SELPLG: variants seen among roughly 807,000 people sequenced by gnomAD.
SELPLG encodes selectin P ligand, also known as P-selectin glycoprotein ligand 1.
A neutral mutation model predicts 1.1 loss-of-function variants in SELPLG; 2 were observed. The observed-to-expected ratio is 1.82, with a 90% CI of 0.74 to 5.71. SELPLG has a LOEUF of 5.71. Ranked by LOEUF, SELPLG falls within the 30% of genes most tolerant of loss-of-function variation. The pLI is 0.05. For synonymous variants in SELPLG, 230 were observed against 221.2 expected (o/e 1.04, Z -0.35); for missense variants, 478 against 524.7 (o/e 0.91, Z 0.87).
chr12:108,632,557 C>T (rs978109808), intron 1 of SELPLG, among the ~76,000 whole-genome samples: 2 of 151,916 alleles, frequency 1.3e-5, no homozygotes, highest in South Asian at 2.1e-4. Context: ...CTCTGCCACC[C>T]GGGTTGGAGT....
At chr12:108,631,434 A>T (rs1294550632) in intron 1 of SELPLG, among the ~76,000 whole-genome samples, 1 of 152,064 alleles carries the variant, frequency 6.6e-6, no homozygotes, top group Admixed American at 6.6e-5. Context: ...TTTTTTGTAG[A>T]GATGGGTTTT....
At chr12:108,629,039 C>T (rs1592821443) in intron 1 of SELPLG, among the ~76,000 whole-genome samples, 1 of 152,176 alleles carries the variant, frequency 6.6e-6, no homozygotes, top group African/African-American at 2.4e-5. Flanking sequence ...CTCTCTTCGG[C>T]GCTGCAGGCA....
In SELPLG at chr12:108,623,156, C is replaced by G. The variant is rs1243781869; in HGVS notation, c.1152G>C (p.Leu384=). The G allele has an allele frequency of 4.3e-6, 7 of 1,611,916 alleles. No homozygotes were observed. Among genetic ancestry groups the G allele is most frequent in the Admixed American group, 1.7e-5 (1 of 59,716 alleles). The change falls in exon 2 of 2, where the codon CTG becomes CTC. Residue 384 remains leucine (L), a synonymous_variant. Transcript: ENST00000550948. ...EGPSATANGG[L]SKAKSPGLTP... ...TCAGGCCCGGGCTCTTGGCCTTGGA[C>G]AGGCCCCCATTGGCTGTGGCAGAGG...
intron 1 of SELPLG, among the ~76,000 whole-genome samples, chr12:108,630,793 C>G (rs773201792): frequency 2.0e-5 from 3 of 152,228 alleles, no homozygotes; most frequent in Non-Finnish European, 4.4e-5. Flanking sequence ...TTAGTCACCT[C>G]CCGTGTTTAA....
rs887177924 is a variant in SELPLG at position 108,633,868 on chromosome 12, T to C, written c.-134A>G. 1.3e-5 allele frequency: 2 copies of C among 152,334 alleles called. No individual in the cohort carries two copies. The highest frequency in any genetic ancestry group is 4.8e-5 in the African/African-American group (2 of 41,420). 9.4% of individuals were successfully genotyped at this position (152,334 alleles called of 1,614,324 possible). ...TGGCACCCCCTGCGGCAGTCCCGGA[T>C]CCGAGCAACCCCCAATGGCTGTGTG... On this transcript the variant is annotated 5_prime_UTR_variant, in exon 1 of 2. Transcript: ENST00000550948.
Position 108,622,698 on chromosome 12 carries a change from A to C in SELPLG, c.*371T>G. 1 of 223,098 alleles carries C rather than the reference A, an allele frequency of 4.5e-6. No homozygotes were observed. Among genetic ancestry groups the C allele is most frequent in the East Asian group, 9.6e-5 (1 of 10,438 alleles). 13.8% of individuals were successfully genotyped at this position (223,098 alleles called of 1,614,324 possible). A position where few individuals can be genotyped will look rare whatever the true frequency, so the allele number is the denominator to read the frequency against. On this transcript the variant is annotated 3_prime_UTR_variant, in exon 2 of 2. Coordinates refer to ENST00000550948, the MANE Select transcript of SELPLG (RefSeq NM_003006.4). ...GGGGAGCTCCATCTTCCTTGGGTACATGGGGAGGAGACTCCAGTGACCAGG... is the reference window on the plus strand; with the variant it reads ...GGGGAGCTCCATCTTCCTTGGGTACCTGGGGAGGAGACTCCAGTGACCAGG...
At chr12:108,629,052 T>C (rs755002106) in intron 1 of SELPLG, among the ~76,000 whole-genome samples, 50 of 152,206 alleles carry the variant, frequency 3.3e-4, no homozygotes, top group Middle Eastern at 3.2e-3. Context: ...TGCAGGCAGA[T>C]GAGCAGAGGA....
intron 1 of SELPLG, among the ~76,000 whole-genome samples, chr12:108,626,577 G>C (rs1397025088): frequency 6.6e-6 from 1 of 152,200 alleles, no homozygotes; most frequent in Non-Finnish European, 1.5e-5. Flanking sequence ...GCTCACTGCA[G>C]CTTCGACCTC....
At position 108,624,214 on chromosome 12, in the gene SELPLG, A is replaced by G. The variant is rs747485817; in HGVS notation, c.94T>C (p.Leu32=). The G allele has an allele frequency of 1.2e-5, 19 of 1,614,060 alleles. 1 individual carries two copies. Among genetic ancestry groups the G allele is most frequent in the Admixed American group, 1.7e-5 (1 of 60,002 alleles). The change falls in exon 2 of 2, where the codon TTG becomes CTG. Residue 32 remains leucine, a synonymous_variant. Coordinates refer to ENST00000550948, the MANE Select transcript of SELPLG (RefSeq NM_003006.4). The part of the protein sequence containing the change: ...DTWADEAEKA[L]GPLLARDRRQ... ...CGGTCCCGGGCAAGCAGGGGACCCA[A>G]GGCTTTCTCGGCTTCATCTGCCCAG...
At chr12:108,633,274 G>A (rs1298620961) in intron 1 of SELPLG, among the ~76,000 whole-genome samples, 4 of 152,194 alleles carry the variant, frequency 2.6e-5, no homozygotes, top group Admixed American at 1.3e-4. Context: ...GGAGGCCAAC[G>A]CAAGAGGCTT....
At chr12:108,628,369 G>C (rs1328212122) in intron 1 of SELPLG, among the ~76,000 whole-genome samples, 2 of 124,382 alleles carry the variant, frequency 1.6e-5, no homozygotes, top group East Asian at 4.6e-4. Flanking sequence ...ACACACTTTT[G>C]CCTCCCAATT....
chr12:108,631,834 A>C lies in SELPLG; in HGVS notation c.-6+1906T>G, dbSNP rs1470104361. 3 of 1,487,128 alleles carry C rather than the reference A, an allele frequency of 2.0e-6. No homozygotes were observed. In the East Asian group the frequency reaches 7.4e-5, roughly 37 times the overall value. 92.1% of individuals were successfully genotyped at this position (1,487,128 alleles called of 1,614,324 possible). A position where few individuals can be genotyped will look rare whatever the true frequency, so the allele number is the denominator to read the frequency against. On this transcript the variant is annotated intron_variant, in intron 1 of 1. Transcript: ENST00000550948. ...CCTGTGTAGACAGACAGATTAACAA[A>C]CACAGACCCCCAACACACACACACC... is the stretch of plus-strand genomic sequence containing the variant.
intron 1 of SELPLG, among the ~76,000 whole-genome samples, chr12:108,633,200 G>A (rs967692252): frequency 6.6e-6 from 1 of 152,190 alleles, no homozygotes; most frequent in African/African-American, 2.4e-5. Flanking sequence ...AAACTGGCCA[G>A]GGAGGGAAGT....
chr12:108,623,990 C>A lies in SELPLG; in HGVS notation c.318G>T (p.Leu106=). Residue 106 remains leucine (L), a synonymous_variant, in exon 2 of 2, where the codon CTG becomes CTT. Coordinates refer to ENST00000550948, the MANE Select transcript of SELPLG (RefSeq NM_003006.4). ...CCGTGGACAGGTTCCCCATGTTGGC[C>A]AGCTCCGTGGTCAGCTCTGTGACTG... is the stretch of plus-strand genomic sequence containing the variant. The part of the protein sequence containing the change: ...GGAVTELTTE[L]ANMGNLSTDS... 6.2e-7 allele frequency: 1 copy of A among 1,614,198 alleles called. No homozygotes were observed. The highest frequency in any genetic ancestry group is 8.5e-7 in the Non-Finnish European group (1 of 1,180,032).
Position 108,623,783 on chromosome 12 carries a change from T to G in SELPLG, c.525A>C (p.Pro175=), listed in dbSNP as rs1028777522. ...TGGTCTGTGCTTCCGTGGCTGCTGG[T>G]GGAGTGGTCTGTGCCTCTGTGGCTG... ...PLAATEAQTT[P]PAATEAQTTQ... The change falls in exon 2 of 2, where the codon CCA becomes CCC. Residue 175 remains proline (P), a synonymous_variant. Transcript: ENST00000550948. 6.2e-7 allele frequency: 1 copy of G among 1,613,446 alleles called. No homozygotes were observed. The highest frequency in any genetic ancestry group is 1.7e-5 in the Admixed American group (1 of 59,936).
At chr12:108,629,715 A>G (rs558734427) in intron 1 of SELPLG, among the ~76,000 whole-genome samples, 5 of 152,224 alleles carry the variant, frequency 3.3e-5, no homozygotes, top group Admixed American at 3.3e-4. Context: ...CTAAGAAAAA[A>G]ACATATTTTT....
chr12:108,633,143 T>C (rs1180299375), intron 1 of SELPLG, among the ~76,000 whole-genome samples: 2 of 152,154 alleles, frequency 1.3e-5, no homozygotes, highest in Non-Finnish European at 2.9e-5. Context: ...ACTCATGGTT[T>C]CTCTGATTTT....
rs1273069281 is a variant in SELPLG, at chr12:108,627,045, A to C, written c.-5-2733T>G. Among the ~76,000 whole-genome samples the C allele has an allele frequency of 2.0e-5, 3 of 152,296 alleles. No homozygotes were observed. The East Asian group carries it at 5.8e-4, about 29-fold the overall frequency. Reference sequence around the variant, plus strand: ...CTTGAACCTGGGAGCCAGAGGTTGCAGTGAGCCAAGATCACACCACTGCAC... The same window carrying C: ...CTTGAACCTGGGAGCCAGAGGTTGCCGTGAGCCAAGATCACACCACTGCAC... On this transcript the variant is annotated intron_variant, in intron 1 of 1. Coordinates refer to ENST00000550948, the MANE Select transcript of SELPLG (RefSeq NM_003006.4).
At chr12:108,631,930 C>T (rs1180716245) in intron 1 of SELPLG, 20 of 1,535,410 alleles carry the variant, frequency 1.3e-5, no homozygotes, top group South Asian at 7.1e-5. Flanking sequence ...CAAAGGAAGC[C>T]GAGACACAGG....
Sources: allele counts gnomAD v4.1 joint callset (sites outside exome capture counted in the v4.1 genomes callset), GRCh38; gene constraint gnomAD v4.1.1; transcripts MANE v1.5; gene names NCBI Gene and HGNC (gene_info 2026-07-23, HGNC 2026-07-21).